ARHGAP15: variants seen among roughly 807,000 people sequenced by gnomAD.
ARHGAP15 encodes the protein rho GTPase-activating protein 15.
ARHGAP15 carries 51 observed loss-of-function variants against 63.7 expected under a neutral mutation model. The observed-to-expected ratio is 0.80, with a 90% CI of 0.64 to 1.01. The LOEUF (loss-of-function observed/expected upper bound fraction) is 1.01. Ranked by LOEUF, ARHGAP15 falls within the 50% of genes least tolerant of loss-of-function variation. The pLI, the probability that ARHGAP15 is intolerant of heterozygous loss-of-function variation, is 0.00. For synonymous variants in ARHGAP15, 191 were observed against 193.8 expected, an observed-to-expected ratio of 0.99 and a Z score of 0.12; for missense variants, 560 against 564.6, an observed-to-expected ratio of 0.99 and a Z score of 0.08.
At chr2:143,623,513 T>A (rs1449178686) in intron 11 of ARHGAP15, among the ~76,000 whole-genome samples, 1 of 152,172 alleles carries the variant, frequency 6.6e-6, no homozygotes, top group East Asian at 1.9e-4. Flanking sequence ...CTGGGCATAT[T>A]TTCCTCACTG....
At chr2:143,627,530 G>T (rs921879982) in intron 12 of ARHGAP15, among the ~76,000 whole-genome samples, 1 of 152,068 alleles carries the variant, frequency 6.6e-6, no homozygotes, top group Non-Finnish European at 1.5e-5. Context: ...GTACTAAAAA[G>T]TCTTTCAAAA....
chr2:143,730,026 A>C (rs1276987182), intron 13 of ARHGAP15, among the ~76,000 whole-genome samples: 1 of 152,232 alleles, frequency 6.6e-6, no homozygotes, highest in East Asian at 1.9e-4. Context: ...GAAAAACAGA[A>C]GAGGCAAGGA....
At chr2:143,274,705 G>GT (rs1218472168) in intron 6 of ARHGAP15, among the ~76,000 whole-genome samples, 2 of 152,200 alleles carry the variant, frequency 1.3e-5, no homozygotes, top group Non-Finnish European at 1.5e-5. Flanking sequence ...TAATTGAACT[G>GT]TTTTGTAAGG....
chr2:143,684,517 G>GA lies in ARHGAP15; in HGVS notation c.1139-18902_1139-18901insA, dbSNP rs1683241202. On this transcript the variant is annotated intron_variant, in intron 12 of 13. Transcript: ENST00000295095. ...TGACAGCATAATATCCTTATTGGGGGGTCCCATGGGCCACAGCAATACAAT... is the reference window on the plus strand; with the variant it reads ...TGACAGCATAATATCCTTATTGGGGGAGTCCCATGGGCCACAGCAATACAAT... Among the ~76,000 whole-genome samples, 7 of 151,996 alleles carry GA rather than the reference G, an allele frequency of 4.6e-5. No homozygotes were observed. The South Asian group carries it at 1.5e-3, about 32-fold the overall frequency.
intron 5 of ARHGAP15, chr2:143,236,582 G>T (rs1693659267): frequency 6.6e-6 from 1 of 152,108 alleles, no homozygotes; most frequent in African/African-American, 2.4e-5. Context: ...CAGAGACATG[G>T]CGTCGTTTTA....
At chr2:143,615,812 G>T (rs1698430459) in intron 11 of ARHGAP15, among the ~76,000 whole-genome samples, 2 of 152,214 alleles carry the variant, frequency 1.3e-5, no homozygotes, top group South Asian at 2.1e-4. Flanking sequence ...CTCCCCTTTG[G>T]AGTACGTAAT....
intron 12 of ARHGAP15, among the ~76,000 whole-genome samples, chr2:143,648,274 A>G (rs1680987964): frequency 6.6e-6 from 1 of 152,096 alleles, no homozygotes; most frequent in South Asian, 2.1e-4. Context: ...TGCAGCAAGT[A>G]TCCTGCTATT....
At chr2:143,361,457 C>T (rs1353298106) in intron 6 of ARHGAP15, among the ~76,000 whole-genome samples, 2 of 152,130 alleles carry the variant, frequency 1.3e-5, no homozygotes, top group African/African-American at 4.8e-5. Context: ...TTGGAATTGT[C>T]AGAAGTTGCA....
intron 12 of ARHGAP15, among the ~76,000 whole-genome samples, chr2:143,686,629 T>C (rs895635421): frequency 3.9e-5 from 6 of 152,190 alleles, no homozygotes; most frequent in Non-Finnish European, 8.8e-5. Context: ...GAAAATGGTA[T>C]AAATGCCATA....
At chr2:143,757,662 T>C (rs1686627486) in intron 13 of ARHGAP15, among the ~76,000 whole-genome samples, 2 of 152,052 alleles carry the variant, frequency 1.3e-5, no homozygotes, top group Admixed American at 6.6e-5. Context: ...ATTCAACAAA[T>C]GTCATAGGGA....
intron 9 of ARHGAP15, among the ~76,000 whole-genome samples, chr2:143,505,645 A>T (rs1693276088): frequency 6.6e-6 from 1 of 152,216 alleles, no homozygotes; most frequent in African/African-American, 2.4e-5. Flanking sequence ...CCCATGGGGA[A>T]TGGCATTCCT....
At chr2:143,613,988 C>G (rs1458868865) in intron 11 of ARHGAP15, among the ~76,000 whole-genome samples, 2 of 152,164 alleles carry the variant, frequency 1.3e-5, no homozygotes, top group Admixed American at 6.5e-5. Flanking sequence ...TCCTCAACAC[C>G]CTGAGATATG....
chr2:143,155,358 G>T (rs1237749593), intron 1 of ARHGAP15, 119 bp from the exon 2 acceptor site: 2 of 945,666 alleles, frequency 2.1e-6, no homozygotes, highest in Non-Finnish European at 3.0e-6. Context: ...TAGTCAGAGA[G>T]GTGAAGACTC....
chr2:143,523,715 G>A (rs770413126), intron 10 of ARHGAP15, among the ~76,000 whole-genome samples: 1 of 152,032 alleles, frequency 6.6e-6, no homozygotes, highest in African/African-American at 2.4e-5. Flanking sequence ...ATTTAGATTA[G>A]CATTCATTTG....
chr2:143,569,316 G>A (rs1239371315), intron 11 of ARHGAP15, among the ~76,000 whole-genome samples: 1 of 152,078 alleles, frequency 6.6e-6, no homozygotes, highest in Admixed American at 6.6e-5. Context: ...GGTGTCAAGA[G>A]ATACATAATA....
At chr2:143,281,538 A>G (rs1161515005) in intron 6 of ARHGAP15, among the ~76,000 whole-genome samples, 1 of 152,150 alleles carries the variant, frequency 6.6e-6, no homozygotes, top group Non-Finnish European at 1.5e-5. Context: ...GCTAAATACA[A>G]GAGATACTTC....
chr2:143,210,990 A>G (rs957895543), intron 3 of ARHGAP15, among the ~76,000 whole-genome samples: 2 of 152,216 alleles, frequency 1.3e-5, no homozygotes, highest in Admixed American at 1.3e-4. Flanking sequence ...TTCTTGAGCT[A>G]TATTTAAGGC....
chr2:143,151,368 C>T (rs182652597), intron 1 of ARHGAP15, among the ~76,000 whole-genome samples: 64 of 152,124 alleles, frequency 4.2e-4, no homozygotes, highest in African/African-American at 1.5e-3. Context: ...TCCCCAGTCA[C>T]AAATCCTACC....
At chr2:143,570,718 G>A (rs571794214) in intron 11 of ARHGAP15, among the ~76,000 whole-genome samples, 11 of 152,110 alleles carry the variant, frequency 7.2e-5, no homozygotes, top group Non-Finnish European at 1.2e-4. Context: ...TATTGTCTTC[G>A]TTTTTCAAAA....
Sources: allele counts gnomAD v4.1 joint callset (sites outside exome capture counted in the v4.1 genomes callset), GRCh38; gene constraint gnomAD v4.1.1; transcripts MANE v1.5; gene names NCBI Gene and HGNC (gene_info 2026-07-23, HGNC 2026-07-21).